The following MTF1 variants were observed in gnomAD, a reference collection of about 807,000 sequenced individuals.
MTF1 encodes MRE-binding transcription factor.
Under a neutral mutation model 70.4 loss-of-function variants are expected in MTF1, and 22 were observed. The observed-to-expected ratio is 0.31, with a 90% CI of 0.22 to 0.45. The LOEUF is 0.45. Ranked by LOEUF, MTF1 falls within the 20% of genes least tolerant of loss-of-function variation. MTF1 has a pLI of 1.00. For synonymous variants in MTF1, 333 were observed against 352.8 expected, an observed-to-expected ratio of 0.94 and a Z score of 0.63; for missense variants, 649 against 922.0, an observed-to-expected ratio of 0.70 and a Z score of 3.83.
At position 37,815,322 on chromosome 1, in the gene MTF1, G is replaced by C; in HGVS notation, c.2076C>G (p.Pro692=). ...PVPGSSSSTL[P]SSCEQSRQAE... ...CTTGTCGGCTTTGCTCACAGGAGGAGGGCAAGGTAGAGGATGATGACCCGG... is the reference window on the plus strand; with the variant it reads ...CTTGTCGGCTTTGCTCACAGGAGGACGGCAAGGTAGAGGATGATGACCCGG... Residue 692 remains proline (P), a synonymous_variant, in exon 11 of 11, where the codon CCC becomes CCG. Transcript: ENST00000373036. This position sits in a 1 kb window ranked among gnomAD's most constrained non-coding sequence, Gnocchi z 4.5. The C allele has an allele frequency of 6.2e-7, 1 of 1,614,148 alleles. No individual in the cohort carries two copies. Among genetic ancestry groups the C allele is most frequent in the Non-Finnish European group, 8.5e-7 (1 of 1,180,042 alleles).
At chr1:37,848,090 T>C (rs1206591077) in intron 2 of MTF1, among the ~76,000 whole-genome samples, 1 of 152,182 alleles carries the variant, frequency 6.6e-6, no homozygotes, top group Non-Finnish European at 1.5e-5. Context: ...CTAATCACAA[T>C]TTATATGTAA....
intron 1 of MTF1, 91 bp from the exon 2 acceptor site, chr1:37,857,800 A>G: frequency 5.6e-6 from 4 of 710,642 alleles, no homozygotes; most frequent in Non-Finnish European, 9.2e-6. Flanking sequence ...TCTCACTTAA[A>G]GAGCAAGCCA....
At chr1:37,830,407 G>A (rs1347097884) in intron 7 of MTF1, among the ~76,000 whole-genome samples, 8 of 151,782 alleles carry the variant, frequency 5.3e-5, no homozygotes, top group East Asian at 3.9e-4. Context: ...CACTTTTTAC[G>A]GTTTCTATTC....
At chr1:37,826,588 C>T (rs1184564576) in intron 7 of MTF1, 1 of 454,556 alleles carries the variant, frequency 2.2e-6, no homozygotes, top group East Asian at 7.0e-5. Context: ...TTCTCTTCTA[C>T]GTCTATCAGC....
intron 4 of MTF1, 30 bp from the exon 5 acceptor site, chr1:37,835,774 G>A (rs1304461898): frequency 1.9e-6 from 3 of 1,555,112 alleles, no homozygotes; most frequent in Middle Eastern, 1.7e-4. Flanking sequence ...AGAAACAGGA[G>A]TCATTAGCTA....
At chr1:37,859,407 A>AT in intron 1 of MTF1, 124 bp downstream of exon 1, 1 of 398,024 alleles carries the variant, frequency 2.5e-6, no homozygotes, top group Non-Finnish European at 4.4e-6. Context: ...GGAAACGGAG[A>AT]AGGGGTGGGG....
intron 2 of MTF1, among the ~76,000 whole-genome samples, chr1:37,854,114 T>C (rs971636623): frequency 6.6e-6 from 1 of 152,196 alleles, no homozygotes; most frequent in Admixed American, 6.5e-5. Context: ...TTCAAGCAAT[T>C]CCCCTGCCTC....
chr1:37,820,372 C>A (rs114974690), intron 9 of MTF1, among the ~76,000 whole-genome samples: 6 of 152,236 alleles, frequency 3.9e-5, no homozygotes, highest in African/African-American at 1.4e-4. Flanking sequence ...AACCCCTCAA[C>A]GCAGTGGCCA....
chr1:37,849,898 TAAAC>T (rs759906774), intron 2 of MTF1, among the ~76,000 whole-genome samples: 29 of 151,848 alleles, frequency 1.9e-4, no homozygotes, highest in African/African-American at 2.7e-4. Flanking sequence ...ATAAAATACG[TAAAC>T]AAACAAACAA....
chr1:37,826,998 T>C (rs1302169411), intron 7 of MTF1, among the ~76,000 whole-genome samples: 1 of 152,098 alleles, frequency 6.6e-6, no homozygotes, highest in Non-Finnish European at 1.5e-5. Context: ...TGGGACAACT[T>C]CCAACTTCCA....
Position 37,823,604 on chromosome 1 carries a change from A to C in MTF1, c.1171+106T>G, listed in dbSNP as rs970269590. On this transcript the variant is annotated intron_variant, in intron 8 of 10. Transcript: ENST00000373036. Reference sequence around the variant, plus strand: ...AAAGACCCAAACTTTCTGACCCTTTATAGAAAGCTCACTTCATTTACGCTA... The same window carrying C: ...AAAGACCCAAACTTTCTGACCCTTTCTAGAAAGCTCACTTCATTTACGCTA... 30 of 805,366 alleles carry C rather than the reference A, an allele frequency of 3.7e-5. No individual in the cohort carries two copies. In the African/African-American group the frequency reaches 3.9e-4, roughly 10 times the overall value. 49.9% of individuals were successfully genotyped at this position (805,366 alleles called of 1,614,324 possible).
chr1:37,834,669 A>G (rs1290399919), intron 6 of MTF1: 2 of 459,014 alleles, frequency 4.4e-6, no homozygotes, highest in Non-Finnish European at 8.7e-6. Context: ...AAAAGACAAC[A>G]GTAGACTGAA....
rs188414091 is a variant in MTF1, at chr1:37,812,280, C to T, written c.*2856G>A. Reference sequence around the variant, plus strand: ...GGGGCCCTCTCTTCTCCAAGGTCCTCGGCACTAGAGACCAGGCTTATGGAA... The same window carrying T: ...GGGGCCCTCTCTTCTCCAAGGTCCTTGGCACTAGAGACCAGGCTTATGGAA... On this transcript the variant is annotated 3_prime_UTR_variant, in exon 11 of 11. Transcript: ENST00000373036. 55 of 152,230 alleles carry T rather than the reference C, an allele frequency of 3.6e-4. No individual in the cohort carries two copies. The highest frequency in any genetic ancestry group is 1.2e-3 in the African/African-American group (51 of 41,518). 9.4% of individuals were successfully genotyped at this position (152,230 alleles called of 1,614,324 possible).
In MTF1 at chr1:37,812,153, G is replaced by C. The variant is rs1032497561; in HGVS notation, c.*2983C>G. 2 of 152,308 alleles carry C rather than the reference G, an allele frequency of 1.3e-5. No individual in the cohort carries two copies. Among genetic ancestry groups the C allele is most frequent in the African/African-American group, 4.8e-5 (2 of 41,448 alleles). The allele number at this position is 152,308 out of a possible 1,614,324, so 9.4% of individuals were successfully genotyped here. On this transcript the variant is annotated 3_prime_UTR_variant, in exon 11 of 11. Transcript: ENST00000373036. The stretch of plus-strand genomic sequence containing the variant: ...GGGGAAAAAGGCTTGATTTTTACCT[G>C]CTAGAATTCTACAAATCCTCCCTAA...
At position 37,822,770 on chromosome 1, in the gene MTF1, C is replaced by T. The variant is rs968002190; in HGVS notation, c.1172-54G>A. The stretch of plus-strand genomic sequence containing the variant: ...ATACATATCCCAAGCCTTAGATGAG[C>T]CACAAAAACAGTCATTATGGGCTAA... On this transcript the variant is annotated intron_variant, in intron 8 of 10. Coordinates refer to ENST00000373036, the MANE Select transcript of MTF1 (RefSeq NM_005955.3). The T allele has an allele frequency of 2.3e-5, 30 of 1,307,530 alleles. No homozygotes were observed. The African/African-American group carries it at 3.8e-4, about 16-fold the overall frequency. The allele number at this position is 1,307,530 out of a possible 1,614,324, so 81.0% of individuals were successfully genotyped here. A position where few individuals can be genotyped will look rare whatever the true frequency, so the allele number is the denominator to read the frequency against.
intron 6 of MTF1, chr1:37,834,766 G>GA (rs1419714296): frequency 3.9e-6 from 2 of 510,730 alleles, no homozygotes; most frequent in African/African-American, 1.9e-5. Context: ...GAGTGTGAGG[G>GA]AAAAAAGAGT....
chr1:37,832,354 C>T (rs929111383), intron 6 of MTF1, 32 bp from the exon 7 acceptor site: 2 of 1,455,478 alleles, frequency 1.4e-6, no homozygotes, highest in Non-Finnish European at 1.9e-6. Flanking sequence ...AATTGAGTAA[C>T]AAAAATCAGG....
chr1:37,850,003 G>A (rs1019398102), intron 2 of MTF1, among the ~76,000 whole-genome samples: 1 of 152,190 alleles, frequency 6.6e-6, no homozygotes, highest in Non-Finnish European at 1.5e-5. Flanking sequence ...AATACTTTGG[G>A]AGGCCAAGGT....
chr1:37,828,274 G>T (rs1038038250), intron 7 of MTF1: 28 of 369,748 alleles, frequency 7.6e-5, no homozygotes, highest in African/African-American at 3.6e-4. Flanking sequence ...GTGAGGGGGG[G>T]GCCTCTGGGG....
Sources: allele counts gnomAD v4.1 joint callset (sites outside exome capture counted in the v4.1 genomes callset), GRCh38; gene constraint gnomAD v4.1.1; non-coding constraint Gnocchi (gnomAD v3.1); transcripts MANE v1.5; gene names NCBI Gene and HGNC (gene_info 2026-07-23, HGNC 2026-07-21).